FHIT: variants seen among roughly 807,000 people sequenced by gnomAD.
FHIT encodes bis(5'-adenosyl)-triphosphatase.
Under a neutral mutation model 17.9 loss-of-function variants are expected in FHIT, and 19 were observed. The observed-to-expected ratio is 1.06, with a 90% CI of 0.74 to 1.56. FHIT has a LOEUF of 1.56. Among genes scored for constraint, FHIT ranks in the 40% most tolerant of loss-of-function variants. FHIT has a pLI of 0.00. For synonymous variants in FHIT, 81 were observed against 69.7 expected, an observed-to-expected ratio of 1.16 and a Z score of -0.81; for missense variants, 248 against 189.2, an observed-to-expected ratio of 1.31 and a Z score of -1.82.
At chr3:60,050,385 T>G (rs1333730158) in intron 5 of FHIT, among the ~76,000 whole-genome samples, 2 of 152,290 alleles carry the variant, frequency 1.3e-5, no homozygotes, top group Admixed American at 1.3e-4. Flanking sequence ...ACTCTTGGTT[T>G]ATAGTTTCGC....
intron 5 of FHIT, among the ~76,000 whole-genome samples, chr3:60,463,864 G>C (rs1320342183): frequency 6.6e-6 from 1 of 152,172 alleles, no homozygotes; most frequent in African/African-American, 2.4e-5. Context: ...CACAGGGCCT[G>C]ACACAATAAA....
chr3:59,823,517 A>G (rs1160716775), intron 8 of FHIT, among the ~76,000 whole-genome samples: 1 of 152,176 alleles, frequency 6.6e-6, no homozygotes, highest in Non-Finnish European at 1.5e-5. Context: ...AGTGGGTTTC[A>G]TACCAGGGAT....
At chr3:60,740,336 C>A (rs1272289401) in intron 4 of FHIT, among the ~76,000 whole-genome samples, 3 of 152,162 alleles carry the variant, frequency 2.0e-5, no homozygotes, top group Non-Finnish European at 2.9e-5. Context: ...AATTCATTAA[C>A]CCCTTCAATC....
At chr3:59,813,703 G>T (rs1700487846) in intron 8 of FHIT, among the ~76,000 whole-genome samples, 1 of 152,164 alleles carries the variant, frequency 6.6e-6, no homozygotes, top group Admixed American at 6.5e-5. Flanking sequence ...TTTTAGGGGT[G>T]AGGGGAAGCT....
At chr3:60,533,144 C>A (rs757356652) in intron 5 of FHIT, among the ~76,000 whole-genome samples, 7 of 152,178 alleles carry the variant, frequency 4.6e-5, no homozygotes, top group East Asian at 1.9e-4. Flanking sequence ...TACACTCACA[C>A]GCTTGTAAAC....
intron 5 of FHIT, among the ~76,000 whole-genome samples, chr3:60,334,480 G>A (rs1388235036): frequency 6.6e-6 from 1 of 152,166 alleles, no homozygotes; most frequent in Non-Finnish European, 1.5e-5. Context: ...TGGGTTGAGT[G>A]TCTCACTTTT....
chr3:61,031,431 G>A (rs2033004821), intron 3 of FHIT, among the ~76,000 whole-genome samples: 1 of 152,124 alleles, frequency 6.6e-6, no homozygotes, highest in Non-Finnish European at 1.5e-5. Flanking sequence ...GTGGAACTCT[G>A]CTTGAGTGTC....
chr3:60,260,185 C>T lies in FHIT; in HGVS notation c.104-246033G>A, dbSNP rs545289917. Among the ~76,000 whole-genome samples the T allele has an allele frequency of 1.1e-4, 16 of 152,016 alleles. No individual in the cohort carries two copies. The South Asian group carries it at 2.5e-3, about 24-fold the overall frequency. ...TTAAGGAAGATCTAGCAAAACCATCCTTCCAGTTCTAAGGGCCGTAGAGGG... is the reference window on the plus strand; with the variant it reads ...TTAAGGAAGATCTAGCAAAACCATCTTTCCAGTTCTAAGGGCCGTAGAGGG... On this transcript the variant is annotated intron_variant, in intron 5 of 9. Transcript: ENST00000492590.
chr3:60,276,317 C>T (rs1340380144), intron 5 of FHIT, among the ~76,000 whole-genome samples: 1 of 152,094 alleles, frequency 6.6e-6, no homozygotes, highest in Non-Finnish European at 1.5e-5. Flanking sequence ...TACAATGTTT[C>T]CTTCTGGAGA....
Position 60,627,652 on chromosome 3 carries a change from T to A in FHIT, c.-17-90673A>T, listed in dbSNP as rs2039327018. On this transcript the variant is annotated intron_variant, in intron 4 of 9. Coordinates refer to ENST00000492590, the MANE Select transcript of FHIT (RefSeq NM_002012.4). Reference sequence around the variant, plus strand: ...AATTCTTCTGCCTCAGCTTCCCGAGTAGCTGGGACTACAGGCATGTGCCAC... The same window carrying A: ...AATTCTTCTGCCTCAGCTTCCCGAGAAGCTGGGACTACAGGCATGTGCCAC... 2.6e-5 allele frequency among the ~76,000 whole-genome samples: 4 copies of A among 152,110 alleles called. No individual in the cohort carries two copies. The South Asian group carries it at 8.3e-4, about 31-fold the overall frequency.
chr3:60,805,508 C>T (rs1343705565), intron 4 of FHIT, among the ~76,000 whole-genome samples: 1 of 151,950 alleles, frequency 6.6e-6, no homozygotes, highest in Non-Finnish European at 1.5e-5. Flanking sequence ...AGGTCCCACC[C>T]TTATGACCTC....
intron 4 of FHIT, among the ~76,000 whole-genome samples, chr3:60,727,810 T>A (rs1299187993): frequency 6.6e-6 from 1 of 152,160 alleles, no homozygotes; most frequent in Non-Finnish European, 1.5e-5. Context: ...GAGACCATCC[T>A]GGCTAACATG....
intron 5 of FHIT, among the ~76,000 whole-genome samples, chr3:60,215,502 G>C (rs1703657757): frequency 6.6e-6 from 1 of 152,046 alleles, no homozygotes; most frequent in African/African-American, 2.4e-5. Flanking sequence ...GGCGGAGTTT[G>C]CAGTGAGCCA....
At chr3:60,006,796 A>T (rs888803341) in intron 7 of FHIT, among the ~76,000 whole-genome samples, 1 of 152,158 alleles carries the variant, frequency 6.6e-6, no homozygotes, top group Non-Finnish European at 1.5e-5. Context: ...TAATTAAGAG[A>T]TAAAATGTCC....
At chr3:60,147,063 G>A (rs972458911) in intron 5 of FHIT, among the ~76,000 whole-genome samples, 5 of 152,110 alleles carry the variant, frequency 3.3e-5, no homozygotes, top group African/African-American at 1.2e-4. Flanking sequence ...TAAAGGAGCG[G>A]AACTGGTAAT....
At chr3:61,237,619 G>C (rs578013493) in intron 1 of FHIT, among the ~76,000 whole-genome samples, 1 of 152,334 alleles carries the variant, frequency 6.6e-6, no homozygotes, top group East Asian at 1.9e-4. Flanking sequence ...GCCAGGAATA[G>C]AGTAACATTC....
intron 8 of FHIT, among the ~76,000 whole-genome samples, chr3:59,850,976 TC>T (rs1701909177): frequency 6.6e-6 from 1 of 152,180 alleles, no homozygotes; most frequent in Non-Finnish European, 1.5e-5. Context: ...CTTCTAATAG[TC>T]TTCCAGTTTC....
At chr3:60,402,378 C>G (rs1285979983) in intron 5 of FHIT, among the ~76,000 whole-genome samples, 2 of 152,134 alleles carry the variant, frequency 1.3e-5, no homozygotes, top group African/African-American at 4.8e-5. Flanking sequence ...ACTGTGGCCC[C>G]CACTAATTTT....
chr3:61,048,861 A>T (rs949208876), intron 2 of FHIT, among the ~76,000 whole-genome samples: 12 of 152,168 alleles, frequency 7.9e-5, no homozygotes, highest in Admixed American at 5.2e-4. Context: ...CATTTTCAGC[A>T]AACTATCACA....
Sources: allele counts gnomAD v4.1 joint callset (sites outside exome capture counted in the v4.1 genomes callset), GRCh38; gene constraint gnomAD v4.1.1; transcripts MANE v1.5; gene names NCBI Gene and HGNC (gene_info 2026-07-23, HGNC 2026-07-21).